PREX1: variants seen among roughly 807,000 people sequenced by gnomAD.
PREX1 encodes the protein phosphatidylinositol-3,4,5-trisphosphate dependent Rac exchange factor 1.
A neutral mutation model predicts 198.3 loss-of-function variants in PREX1; 41 were observed. The observed-to-expected ratio is 0.21, with a 90% CI of 0.16 to 0.27. The LOEUF is 0.27. Among genes scored for constraint, PREX1 ranks in the 10% least tolerant of loss-of-function variants. PREX1 has a pLI of 1.00. For synonymous variants in PREX1, 843 were observed against 887.2 expected (o/e 0.95, Z 0.89); for missense variants, 1,620 against 2,200.7 (o/e 0.74, Z 5.28).
chr20:48,747,001 C>T (rs1040240073), intron 2 of PREX1, among the ~76,000 whole-genome samples: 4 of 108,826 alleles, frequency 3.7e-5, no homozygotes, highest in Non-Finnish European at 5.9e-5. Flanking sequence ...CACACACACA[C>T]ACACACACAC....
At chr20:48,851,937 G>A in the PREX1 span, among the ~76,000 whole-genome samples, 1 of 152,046 alleles carries the variant, frequency 6.6e-6, no homozygotes, top group African/African-American at 2.4e-5. Flanking sequence ...AGGCAGTATG[G>A]GATTATTTGC....
chr20:48,726,675 G>A (rs1460323555), intron 4 of PREX1, among the ~76,000 whole-genome samples: 1 of 151,934 alleles, frequency 6.6e-6, no homozygotes, highest in African/African-American at 2.4e-5. Context: ...AGTTGTTGGG[G>A]AAAAAAAGGC....
intron 1 of PREX1, among the ~76,000 whole-genome samples, chr20:48,775,756 C>T (rs111240380): frequency 0.014 from 2,165 of 152,220 alleles, 56 homozygotes; most frequent in African/African-American, 0.05. Flanking sequence ...CTTTGCCTGC[C>T]GCCATCCATG....
At chr20:48,792,432 T>C (rs1234151571) in intron 1 of PREX1, among the ~76,000 whole-genome samples, 3 of 152,066 alleles carry the variant, frequency 2.0e-5, no homozygotes, top group Non-Finnish European at 4.4e-5. Context: ...ATCGCGCCAC[T>C]GCACTCCAGC....
chr20:48,883,740 C>T, the PREX1 span, among the ~76,000 whole-genome samples: 9 of 151,828 alleles, frequency 5.9e-5, no homozygotes, highest in Non-Finnish European at 5.9e-5. Flanking sequence ...TAAAGAAGAC[C>T]GAAATAAAAG....
At chr20:48,647,507 G>T (rs939873580) in intron 25 of PREX1, among the ~76,000 whole-genome samples, 1 of 125,472 alleles carries the variant, frequency 8.0e-6, no homozygotes, top group Non-Finnish European at 1.6e-5. Context: ...GTGACACAGT[G>T]AGACAACATC....
At chr20:48,744,988 A>G (rs763968432) in intron 3 of PREX1, 37 bp downstream of exon 3, 4 of 1,607,430 alleles carry the variant, frequency 2.5e-6, no homozygotes, top group Non-Finnish European at 1.7e-6. Flanking sequence ...ACTTTTCAAA[A>G]ACTAGAGTCC....
At chr20:48,807,938 TG>T (rs1381108821) in intron 1 of PREX1, among the ~76,000 whole-genome samples, 3 of 151,952 alleles carry the variant, frequency 2.0e-5, no homozygotes, top group African/African-American at 7.3e-5. Flanking sequence ...CTGAGCAAGA[TG>T]GGGACACCTT....
chr20:48,772,052 G>C (rs543715317), intron 1 of PREX1, among the ~76,000 whole-genome samples: 1 of 152,172 alleles, frequency 6.6e-6, no homozygotes, highest in East Asian at 1.9e-4. Context: ...AAATTAGCTA[G>C]GCGTGGTGGC....
rs543045985 is a variant in PREX1 at position 48,637,849 on chromosome 20, TGCTCTGACCCTTCACAGCAAA to T, written c.3905-118_3905-98del. On this transcript the variant is annotated intron_variant, in intron 30 of 39. Transcript: ENST00000371941. ...CCCCTCCCCATGGCACCTCCCAAGGTGCTCTGACCCTTCACAGCAAAGCCCTGGCACCCAAGGCTGTGCTCA... is the reference window on the plus strand; with the variant it reads ...CCCCTCCCCATGGCACCTCCCAAGGTGCCCTGGCACCCAAGGCTGTGCTCA... The T allele has an allele frequency of 7.6e-5, 83 of 1,088,088 alleles. 1 individual carries two copies. The African/African-American group carries it at 1.2e-3, about 16-fold the overall frequency. The allele number at this position is 1,088,088 out of a possible 1,614,324, so 67.4% of individuals were successfully genotyped here. A position where few individuals can be genotyped will look rare whatever the true frequency, so the allele number is the denominator to read the frequency against.
At chr20:48,662,468 T>G (rs1450456975) in intron 15 of PREX1, among the ~76,000 whole-genome samples, 2 of 152,230 alleles carry the variant, frequency 1.3e-5, no homozygotes, top group African/African-American at 2.4e-5. Context: ...TTCATGCCCT[T>G]TAGCCTCTCT....
intron 22 of PREX1, 47 bp downstream of exon 22, chr20:48,651,349 C>G (rs1601045206): frequency 6.5e-7 from 1 of 1,534,962 alleles, no homozygotes. Context: ...GAGAAACTGG[C>G]TTCAATCCCC....
chr20:48,626,627 G>A (rs1001069972), intron 39 of PREX1, among the ~76,000 whole-genome samples: 1 of 152,194 alleles, frequency 6.6e-6, no homozygotes, highest in South Asian at 2.1e-4. Flanking sequence ...AAGGAACCAC[G>A]TGCCACTCGT....
intron 3 of PREX1, among the ~76,000 whole-genome samples, chr20:48,744,335 CG>C (rs961496769): frequency 6.6e-6 from 1 of 152,082 alleles, no homozygotes; most frequent in Admixed American, 6.5e-5. Flanking sequence ...AGGAGGTATA[CG>C]GAATTGTCCC....
At chr20:48,665,944 T>C (rs1474091248) in intron 15 of PREX1, among the ~76,000 whole-genome samples, 6 of 152,148 alleles carry the variant, frequency 3.9e-5, no homozygotes, top group Non-Finnish European at 7.4e-5. Context: ...CAGCTCCTCC[T>C]TCCTCACGGA....
chr20:48,866,043 G>A, the PREX1 span, among the ~76,000 whole-genome samples: 4 of 150,788 alleles, frequency 2.7e-5, no homozygotes, highest in Non-Finnish European at 2.9e-5. Context: ...CAACTTCCTC[G>A]GCTCAAGCAA....
chr20:48,655,341 A>C lies in PREX1; in HGVS notation c.2158T>G (p.Cys720Gly). The change falls in exon 19 of 40, where the codon TGC becomes GGC. Residue 720 changes from cysteine to glycine, a missense_variant. By Grantham distance (159) the Cys-to-Gly change is radical. Coordinates refer to ENST00000371941, the MANE Select transcript of PREX1 (RefSeq NM_020820.4). ...IKIPDQPDTL[C>G]FQIRGAAPPY... is the part of the protein sequence containing the mutation. ...GGGGCAGCTCCACGAATCTGGAAGC[A>C]CAGTGTGTCCGGCTGGTCGGGGATT... 6.3e-7 allele frequency: 1 copy of C among 1,599,790 alleles called. No homozygotes were observed. The highest frequency in any genetic ancestry group is 8.5e-7 in the Non-Finnish European group (1 of 1,171,578).
the PREX1 span, among the ~76,000 whole-genome samples, chr20:48,853,140 A>C: frequency 6.6e-6 from 1 of 152,208 alleles, no homozygotes; most frequent in African/African-American, 2.4e-5. Flanking sequence ...ACCTGTTTAA[A>C]AATAAACAAA....
At chr20:48,855,736 T>C in the PREX1 span, among the ~76,000 whole-genome samples, 1 of 152,156 alleles carries the variant, frequency 6.6e-6, no homozygotes, top group South Asian at 2.1e-4. Flanking sequence ...CCATCTCTAC[T>C]AAACCTACAA....
Sources: allele counts gnomAD v4.1 joint callset (sites outside exome capture counted in the v4.1 genomes callset), GRCh38; gene constraint gnomAD v4.1.1; transcripts MANE v1.5; gene names NCBI Gene and HGNC (gene_info 2026-07-23, HGNC 2026-07-21).